The following CNGA1 variants were observed in gnomAD, a reference collection of about 807,000 sequenced individuals.
CNGA1 encodes the protein cyclic nucleotide gated channel subunit alpha 1, also known as cyclic nucleotide-gated channel alpha-1.
CNGA1 carries 53 observed loss-of-function variants against 69.7 expected under a neutral mutation model. The ratio of observed to expected loss-of-function variants is 0.76; its 90% confidence interval spans 0.61 to 0.96. CNGA1 has a LOEUF of 0.96. CNGA1 is among the 40% of genes least tolerant of loss of function. The probability of loss-of-function intolerance (pLI) is 0.00; values close to 1 mark genes in which losing one functional copy is unlikely to be tolerated. For missense variants in CNGA1, 739 were observed against 811.2 expected (o/e 0.91, Z 1.08); for synonymous variants, 249 against 283.5 (o/e 0.88, Z 1.22).
chr4:47,963,952 T>C (rs1002600531), intron 3 of CNGA1, among the ~76,000 whole-genome samples: 12 of 152,214 alleles, frequency 7.9e-5, no homozygotes, highest in Non-Finnish European at 1.8e-4. Context: ...CTTACTCCAG[T>C]ACCCAAACAA....
intron 3 of CNGA1, chr4:47,971,030 G>T (rs1740986815): frequency 2.2e-6 from 1 of 454,624 alleles, no homozygotes; most frequent in Non-Finnish European, 4.4e-6. Context: ...GCTTGAATCT[G>T]GGAGGTGAAG....
chr4:47,994,129 G>C (rs1289019541), intron 2 of CNGA1, among the ~76,000 whole-genome samples: 2 of 152,066 alleles, frequency 1.3e-5, no homozygotes, highest in Non-Finnish European at 2.9e-5. Flanking sequence ...TCCATGCACT[G>C]TCAAATAGAA....
rs368286946 is a variant in CNGA1 at position 47,990,267 on chromosome 4, C to T, written c.-122-8767G>A. Reference sequence around the variant, plus strand: ...TGCAGAAAGCGAGTAGGAGAAATATCACTGAATTCTTTTCTCAGCAAGGAA... The same window carrying T: ...TGCAGAAAGCGAGTAGGAGAAATATTACTGAATTCTTTTCTCAGCAAGGAA... On this transcript the variant is annotated intron_variant, in intron 2 of 10. Coordinates refer to ENST00000514170, the MANE Select transcript of CNGA1 (RefSeq NM_001379270.1). Among the ~76,000 whole-genome samples, 38 of 152,034 alleles carry T rather than the reference C, an allele frequency of 2.5e-4. 3 individuals are homozygous for T. In the South Asian group the frequency reaches 2.7e-3, roughly 11 times the overall value.
chr4:47,942,038 C>T lies in CNGA1; in HGVS notation c.545+3G>A, dbSNP rs1221249734. ...AAAAAAAAAAAAAAAAAATTATAGA[C>T]ACCTGGCAATAACCATTGTCCAGTT... On this transcript the variant is annotated splice_donor_region_variant and intron_variant, in intron 9 of 10. Transcript: ENST00000514170. 1 of 1,496,014 alleles carries T rather than the reference C, an allele frequency of 6.7e-7. No homozygotes were observed. Among genetic ancestry groups the T allele is most frequent in the Non-Finnish European group, 9.3e-7 (1 of 1,078,070 alleles). The allele number at this position is 1,496,014 out of a possible 1,614,324, so 92.7% of individuals were successfully genotyped here.
chr4:47,968,502 G>A (rs1484901907), intron 3 of CNGA1, among the ~76,000 whole-genome samples: 1 of 152,048 alleles, frequency 6.6e-6, no homozygotes, highest in African/African-American at 2.4e-5. Flanking sequence ...TCAATAGAGG[G>A]AATTTAATAC....
At chr4:47,989,862 C>T (rs1483172173) in intron 2 of CNGA1, among the ~76,000 whole-genome samples, 1 of 151,618 alleles carries the variant, frequency 6.6e-6, no homozygotes, top group Non-Finnish European at 1.5e-5. Flanking sequence ...AGTCAAGAAC[C>T]CCAAACGGAG....
Position 47,946,716 on chromosome 4 carries a change from G to T in CNGA1, c.287+3117C>A, listed in dbSNP as rs1739417837. ...AAGTAAGATATCTGGGATTGAGCAT[G>T]AATCAGAGCAAATAAGTAAGCTGCC... On this transcript the variant is annotated intron_variant, in intron 6 of 10. Coordinates refer to ENST00000514170, the MANE Select transcript of CNGA1 (RefSeq NM_001379270.1). Among the ~76,000 whole-genome samples the T allele has an allele frequency of 2.0e-5, 3 of 152,224 alleles. No individual in the cohort carries two copies. The South Asian group carries it at 6.2e-4, about 32-fold the overall frequency.
Position 47,937,601 on chromosome 4 carries a change from A to C in CNGA1, c.881T>G (p.Phe294Cys). 1 of 1,614,194 alleles carries C rather than the reference A, an allele frequency of 6.2e-7. No individual in the cohort carries two copies. The highest frequency in any genetic ancestry group is 8.5e-7 in the Non-Finnish European group (1 of 1,180,030). The change falls in exon 11 of 11, where the codon TTC becomes TGC. Residue 294 changes from phenylalanine to cysteine, a missense_variant. By Grantham distance (205) the Phe-to-Cys change is radical. Coordinates refer to ENST00000514170, the MANE Select transcript of CNGA1 (RefSeq NM_001379270.1). ...ATACATAACAAGGTTGGAAATCCTG[A>C]AGATGTTTGGATAGTTTGTCCTTGT... ...TETRTNYPNI[F>C]RISNLVMYIV... is the part of the protein sequence containing the mutation.
At chr4:48,002,959 T>C (rs1448821823) in intron 2 of CNGA1, among the ~76,000 whole-genome samples, 1 of 152,184 alleles carries the variant, frequency 6.6e-6, no homozygotes, top group African/African-American at 2.4e-5. Context: ...TAAATATCTT[T>C]CAAAGTTAGC....
chr4:48,000,374 G>GT (rs569343152), intron 2 of CNGA1, among the ~76,000 whole-genome samples: 40,033 of 146,034 alleles, frequency 0.27, 5,719 homozygotes, highest in African/African-American at 0.37. Context: ...AACAATAAGT[G>GT]TTTTTTTTTT....
At chr4:47,997,674 T>G (rs1235037320) in intron 2 of CNGA1, among the ~76,000 whole-genome samples, 1 of 152,202 alleles carries the variant, frequency 6.6e-6, no homozygotes, top group Admixed American at 6.5e-5. Context: ...TTGGTGGTAG[T>G]GCTGTTTCAC....
chr4:48,007,267 G>T (rs1245184130), intron 2 of CNGA1, among the ~76,000 whole-genome samples: 1 of 152,252 alleles, frequency 6.6e-6, no homozygotes, highest in East Asian at 1.9e-4. Context: ...AATGCTTCAA[G>T]AAAATCTTGT....
At chr4:48,008,710 T>G (rs1489324369) in intron 2 of CNGA1, among the ~76,000 whole-genome samples, 1 of 152,216 alleles carries the variant, frequency 6.6e-6, no homozygotes, top group African/African-American at 2.4e-5. Flanking sequence ...TTTGCAAAAT[T>G]CTGAGACAGT....
chr4:47,976,382 G>C (rs1224811607), intron 3 of CNGA1, among the ~76,000 whole-genome samples: 2 of 147,440 alleles, frequency 1.4e-5, no homozygotes, highest in East Asian at 3.9e-4. Context: ...GGGTACAGGT[G>C]AATGTCTTAC....
intron 3 of CNGA1, among the ~76,000 whole-genome samples, chr4:47,968,763 G>A (rs1008776775): frequency 6.6e-6 from 1 of 152,090 alleles, no homozygotes; most frequent in Admixed American, 6.6e-5. Flanking sequence ...AAGGGGCCTG[G>A]GTAAGTAGGA....
intron 1 of CNGA1, among the ~76,000 whole-genome samples, chr4:48,014,189 T>G (rs1269776463): frequency 6.6e-6 from 1 of 152,206 alleles, no homozygotes; most frequent in East Asian, 1.9e-4. Flanking sequence ...TGCTCTTCTT[T>G]TAGTTAAACA....
chr4:47,978,269 T>A (rs1204414124), intron 3 of CNGA1, among the ~76,000 whole-genome samples: 1 of 152,224 alleles, frequency 6.6e-6, no homozygotes, highest in Non-Finnish European at 1.5e-5. Context: ...GAGATTTTTT[T>A]AATTTTTGGA....
chr4:47,952,642 G>C lies in CNGA1; in HGVS notation c.48C>G (p.Pro16=). Residue 16 remains proline (P), a synonymous_variant, in exon 4 of 11, where the codon CCC becomes CCG. Coordinates refer to ENST00000514170, the MANE Select transcript of CNGA1 (RefSeq NM_001379270.1). ...INTQQSFVTM[P]NVIVPDIEKE... is the part of the protein sequence containing the mutation. ...TTTCAATATCTGGTACAATCACATT[G>C]GGCATGGTTACAAAAGACTGCTGTG... The C allele has an allele frequency of 6.2e-7, 1 of 1,608,316 alleles. No individual in the cohort carries two copies. The highest frequency in any genetic ancestry group is 8.5e-7 in the Non-Finnish European group (1 of 1,175,986).
At chr4:47,973,066 C>CT (rs3058684) in intron 3 of CNGA1, among the ~76,000 whole-genome samples, 45,156 of 120,154 alleles carry the variant, frequency 0.38, 9,789 homozygotes, top group Non-Finnish European at 0.43. Flanking sequence ...AAAGCACCAT[C>CT]TTTTTTTTTT....
Sources: allele counts gnomAD v4.1 joint callset (sites outside exome capture counted in the v4.1 genomes callset), GRCh38; gene constraint gnomAD v4.1.1; transcripts MANE v1.5; gene names NCBI Gene and HGNC (gene_info 2026-07-23, HGNC 2026-07-21).